LHFPL3: variants seen among roughly 807,000 people sequenced by gnomAD.
LHFPL3 encodes LHFPL tetraspan subfamily member 3 protein.
LHFPL3 carries 5 observed loss-of-function variants against 19.3 expected under a neutral mutation model. That is an observed-to-expected ratio of 0.26 (90% confidence interval 0.14 to 0.54). The LOEUF (loss-of-function observed/expected upper bound fraction) is 0.54. Among genes scored for constraint, LHFPL3 ranks in the 20% least tolerant of loss-of-function variants. The pLI, the probability that LHFPL3 is intolerant of heterozygous loss-of-function variation, is 0.94. For synonymous variants in LHFPL3, 133 were observed against 126.2 expected (o/e 1.05, Z -0.36); for missense variants, 249 against 307.4 (o/e 0.81, Z 1.42).
intron 1 of LHFPL3, among the ~76,000 whole-genome samples, chr7:104,429,805 G>A (rs76877998): frequency 1.7e-3 from 261 of 152,042 alleles, no homozygotes; most frequent in African/African-American, 6.1e-3. Context: ...AGAGGTGACC[G>A]GAGCAAATCA....
At chr7:104,456,378 A>G (rs758028409) in intron 1 of LHFPL3, among the ~76,000 whole-genome samples, 4 of 152,212 alleles carry the variant, frequency 2.6e-5, no homozygotes, top group Non-Finnish European at 5.9e-5. Context: ...AACTGAAACA[A>G]TAGAGACACA....
chr7:104,528,407 A>G (rs1003797013), intron 1 of LHFPL3, among the ~76,000 whole-genome samples: 12 of 152,224 alleles, frequency 7.9e-5, no homozygotes, highest in Non-Finnish European at 4.4e-5. Context: ...ACAGACTTCA[A>G]TAAGAGGAGC....
chr7:104,815,009 C>T (rs1432382947), intron 2 of LHFPL3, among the ~76,000 whole-genome samples: 5 of 152,174 alleles, frequency 3.3e-5, no homozygotes, highest in African/African-American at 1.2e-4. Flanking sequence ...GGGCTCCCAC[C>T]TGCTCTATGG....
At chr7:104,801,987 T>C (rs1428274994) in intron 2 of LHFPL3, among the ~76,000 whole-genome samples, 1 of 152,210 alleles carries the variant, frequency 6.6e-6, no homozygotes, top group East Asian at 1.9e-4. Context: ...CAATTTGTGC[T>C]GTAGTGAGAC....
chr7:104,598,838 T>G (rs1038305570), intron 1 of LHFPL3, among the ~76,000 whole-genome samples: 2 of 152,214 alleles, frequency 1.3e-5, no homozygotes, highest in African/African-American at 4.8e-5. Context: ...ACCATTTTTC[T>G]TCAGTTAATA....
At chr7:104,499,023 C>A (rs1270286365) in intron 1 of LHFPL3, among the ~76,000 whole-genome samples, 1 of 152,080 alleles carries the variant, frequency 6.6e-6, no homozygotes, top group African/African-American at 2.4e-5. Flanking sequence ...TTTCCAGGTG[C>A]AATAACTCAT....
chr7:104,869,992 C>G (rs1250881575), intron 2 of LHFPL3, among the ~76,000 whole-genome samples: 3 of 148,508 alleles, frequency 2.0e-5, no homozygotes, highest in African/African-American at 7.4e-5. Flanking sequence ...ATCACAAGGA[C>G]AAAAAACCAA....
chr7:104,817,612 T>C (rs2116515223), intron 2 of LHFPL3, among the ~76,000 whole-genome samples: 1 of 152,306 alleles, frequency 6.6e-6, no homozygotes, highest in East Asian at 1.9e-4. Context: ...ACATCTATGC[T>C]TCATCATAGA....
intron 2 of LHFPL3, among the ~76,000 whole-genome samples, chr7:104,743,330 T>C (rs1418637410): frequency 1.3e-5 from 2 of 152,090 alleles, no homozygotes; most frequent in East Asian, 3.8e-4. Context: ...TACCATGTGG[T>C]GTCCATGTGA....
chr7:104,578,554 A>G (rs1228729263), intron 1 of LHFPL3, among the ~76,000 whole-genome samples: 2 of 152,218 alleles, frequency 1.3e-5, no homozygotes, highest in Non-Finnish European at 2.9e-5. Flanking sequence ...ATTATATTAT[A>G]TCATGGCATA....
intron 1 of LHFPL3, among the ~76,000 whole-genome samples, chr7:104,555,852 T>C (rs1171390019): frequency 2.0e-5 from 3 of 152,220 alleles, no homozygotes; most frequent in Non-Finnish European, 4.4e-5. Context: ...AGTTACTTCC[T>C]AGATATAATG....
chr7:104,455,539 G>A (rs1015869042), intron 1 of LHFPL3, among the ~76,000 whole-genome samples: 1 of 152,048 alleles, frequency 6.6e-6, no homozygotes, highest in Non-Finnish European at 1.5e-5. Flanking sequence ...TGGCCAACAC[G>A]GTGAAACCTC....
intron 1 of LHFPL3, among the ~76,000 whole-genome samples, chr7:104,462,120 T>A (rs535191778): frequency 1.3e-5 from 2 of 152,238 alleles, no homozygotes; most frequent in East Asian, 1.9e-4. Context: ...TGAAGTTGTT[T>A]ATCAGCTGAA....
intron 1 of LHFPL3, among the ~76,000 whole-genome samples, chr7:104,694,271 T>A (rs1309881487): frequency 6.6e-6 from 1 of 152,170 alleles, no homozygotes; most frequent in African/African-American, 2.4e-5. Context: ...AGATACACAG[T>A]ATGTTACAGT....
chr7:104,590,555 A>C (rs1257426149), intron 1 of LHFPL3, among the ~76,000 whole-genome samples: 1 of 152,092 alleles, frequency 6.6e-6, no homozygotes, highest in Non-Finnish European at 1.5e-5. Context: ...TTTTGGAATA[A>C]GTGTGATGTG....
chr7:104,812,261 G>A (rs915405363), intron 2 of LHFPL3, among the ~76,000 whole-genome samples: 4 of 152,202 alleles, frequency 2.6e-5, no homozygotes, highest in African/African-American at 9.7e-5. Flanking sequence ...CTGAGAAAAC[G>A]ATGAGCTCAA....
At chr7:104,351,832 C>A (rs1790180055) in intron 1 of LHFPL3, among the ~76,000 whole-genome samples, 1 of 152,142 alleles carries the variant, frequency 6.6e-6, no homozygotes, top group South Asian at 2.1e-4. Context: ...CCTGTCCTGA[C>A]CATCACCTGT....
chr7:104,599,806 A>G (rs1790929893), intron 1 of LHFPL3, among the ~76,000 whole-genome samples: 1 of 152,330 alleles, frequency 6.6e-6, no homozygotes, highest in Non-Finnish European at 1.5e-5. Flanking sequence ...TTATTTTCCC[A>G]TCTAATCAAC....
chr7:104,805,754 T>C (rs1470642767), intron 2 of LHFPL3, among the ~76,000 whole-genome samples: 1 of 152,222 alleles, frequency 6.6e-6, no homozygotes, highest in Non-Finnish European at 1.5e-5. Context: ...AGATTTATGC[T>C]TTCTTATGGG....
Sources: allele counts gnomAD v4.1 joint callset (sites outside exome capture counted in the v4.1 genomes callset), GRCh38; gene constraint gnomAD v4.1.1; transcripts MANE v1.5; gene names NCBI Gene and HGNC (gene_info 2026-07-23, HGNC 2026-07-21).